The following ZNF195 variants were observed in gnomAD, a reference collection of about 807,000 sequenced individuals.
ZNF195 encodes the protein zinc finger protein 195, also known as hypoxia-regulated factor-1.
A neutral mutation model predicts 19.5 loss-of-function variants in ZNF195; 11 were observed. The observed-to-expected ratio is 0.57, with a 90% CI of 0.36 to 0.94. The LOEUF (loss-of-function observed/expected upper bound fraction) is 0.94. ZNF195 is among the 40% of genes least tolerant of loss of function. The probability of loss-of-function intolerance (pLI) is 0.01; values close to 1 mark genes in which losing one functional copy is unlikely to be tolerated. For synonymous variants in ZNF195, 214 were observed against 248.1 expected (o/e 0.86, Z 1.29); for missense variants, 582 against 709.0 (o/e 0.82, Z 2.03).
intron 1 of ZNF195, among the ~76,000 whole-genome samples, chr11:3,372,785 G>A (rs1047177454): frequency 6.6e-6 from 1 of 152,264 alleles, no homozygotes; most frequent in Non-Finnish European, 1.5e-5. Flanking sequence ...AGGCTGGAGT[G>A]CAGTGGCGCG....
At chr11:3,371,744 G>A (rs1054473239) in intron 1 of ZNF195, 41 bp from the exon 2 acceptor site, 2 of 1,552,924 alleles carry the variant, frequency 1.3e-6, no homozygotes, top group South Asian at 1.2e-5. Context: ...CTTGATTCGA[G>A]GTGAAATGAG....
chr11:3,368,915 A>T (rs1360014784), intron 3 of ZNF195: 5 of 447,214 alleles, frequency 1.1e-5, no homozygotes, highest in Admixed American at 2.4e-5. Context: ...CTTACACCAT[A>T]CTCAAAAATT....
Position 3,360,794 on chromosome 11 carries a change from A to G in ZNF195, c.374-6T>C. The G allele has an allele frequency of 1.9e-6, 3 of 1,550,882 alleles. No homozygotes were observed. The highest frequency in any genetic ancestry group is 8.7e-7 in the Non-Finnish European group (1 of 1,146,692). ...CACCCCAGGTGAGCACAGTGCTAGG[A>G]GCCAGATAAGAAGAAAAACAGTCTG... On this transcript the variant is annotated splice_polypyrimidine_tract_variant and splice_region_variant and intron_variant, in intron 4 of 5. Transcript: ENST00000399602.
At chr11:3,372,578 A>T (rs1262961937) in intron 1 of ZNF195, among the ~76,000 whole-genome samples, 1 of 151,952 alleles carries the variant, frequency 6.6e-6, no homozygotes, top group Non-Finnish European at 1.5e-5. Context: ...GTTCTGACAA[A>T]TATCTCCCAG....
At chr11:3,368,028 A>G (rs1361827965) in intron 3 of ZNF195, among the ~76,000 whole-genome samples, 5 of 152,048 alleles carry the variant, frequency 3.3e-5, no homozygotes, top group African/African-American at 1.2e-4. Flanking sequence ...CAGTGCCGAG[A>G]TCGCGCCATT....
intron 3 of ZNF195, among the ~76,000 whole-genome samples, chr11:3,365,649 C>T (rs1053539375): frequency 6.6e-6 from 1 of 152,104 alleles, no homozygotes; most frequent in Non-Finnish European, 1.5e-5. Flanking sequence ...AGTTTAAGAA[C>T]AATAACTAGT....
Position 3,360,318 on chromosome 11 carries a change from A to G in ZNF195, c.690T>C (p.Asn230=). Residue 230 remains asparagine (N), a synonymous_variant, in exon 6 of 6, where the codon AAT becomes AAC. Coordinates refer to ENST00000399602, the MANE Select transcript of ZNF195 (RefSeq NM_001130520.3). Reference sequence around the variant, plus strand: ...TATTACTTATATTACGTCTATGTAAATTTGAAAAGTTATCAAAGATTTTAA... The same window carrying G: ...TATTACTTATATTACGTCTATGTAAGTTTGAAAAGTTATCAAAGATTTTAA... ...KYVKIFDNFS[N]LHRRNISNTG... The G allele has an allele frequency of 6.2e-7, 1 of 1,603,938 alleles. No homozygotes were observed. The highest frequency in any genetic ancestry group is 8.5e-7 in the Non-Finnish European group (1 of 1,174,156).
intron 3 of ZNF195, chr11:3,362,439 T>C (rs1848678681): frequency 5.4e-6 from 2 of 371,870 alleles, no homozygotes; most frequent in African/African-American, 2.0e-5. Context: ...TTAATGGATA[T>C]ACAACATTAA....
chr11:3,369,608 C>T (rs1395043851), intron 3 of ZNF195: 5 of 353,420 alleles, frequency 1.4e-5, no homozygotes, highest in Non-Finnish European at 3.0e-5. Flanking sequence ...CCCTGAAGGA[C>T]ATCCTGCTAA....
At chr11:3,371,373 G>GA (rs1375169264) in intron 2 of ZNF195, among the ~76,000 whole-genome samples, 1 of 149,984 alleles carries the variant, frequency 6.7e-6, no homozygotes, top group Non-Finnish European at 1.5e-5. Context: ...CAGATCAGCT[G>GA]AAAAAAAAGG....
rs1848541840 is a variant in ZNF195 at position 3,359,839 on chromosome 11, C to T, written c.1169G>A (p.Gly390Asp). The T allele has an allele frequency of 1.9e-6, 3 of 1,613,886 alleles. No homozygotes were observed. Among genetic ancestry groups the T allele is most frequent in the Non-Finnish European group, 2.5e-6 (3 of 1,180,024 alleles). ...GGAAGGATTTGGGCTGTGGTTAAAA[C>T]CTTTGTACCATGTTTCACATTTGGA... ...KLSKCETWYK[G>D]FNHSPNPSKH... The change falls in exon 6 of 6, where the codon GGT (glycine) becomes GAT (aspartate). Residue 390 changes from glycine to aspartate, a missense_variant. Physicochemically the swap from Gly to Asp is moderately conservative, Grantham distance 94 (BLOSUM62 -1). Coordinates refer to ENST00000399602, the MANE Select transcript of ZNF195 (RefSeq NM_001130520.3). The surrounding 1 kb of genome is among the most constrained non-coding windows in gnomAD (Gnocchi z 5.5).
intron 1 of ZNF195, among the ~76,000 whole-genome samples, chr11:3,373,401 G>T (rs910930858): frequency 6.6e-6 from 1 of 152,076 alleles, no homozygotes; most frequent in African/African-American, 2.4e-5. Context: ...GACGGCTTTG[G>T]TATATAGAAA....
chr11:3,359,624 C>T lies in ZNF195; in HGVS notation c.1384G>A (p.Gly462Arg), dbSNP rs748619890. The change falls in exon 6 of 6, where the codon GGA becomes AGA. Residue 462 changes from glycine (G) to arginine (R), a missense_variant. Around this residue, in one of 3 missense-constraint regions of ZNF195, gnomAD observed 407 missense variants for 530.5 expected, o/e 0.77. Coordinates refer to ENST00000399602, the MANE Select transcript of ZNF195 (RefSeq NM_001130520.3). This position sits in a 1 kb window ranked among gnomAD's most constrained non-coding sequence, Gnocchi z 5.5. ...HLSEHRRIHT[G>R]EKPYQCEECG... ...TCTTCACATTGGTAGGGTTTCTCTC[C>T]GGTGTGAATCCTCCTGTGTTCACTG... 35 of 1,613,940 alleles carry T rather than the reference C, an allele frequency of 2.2e-5. No homozygotes were observed. The East Asian group carries it at 2.7e-4, about 12-fold the overall frequency.
chr11:3,364,278 G>T lies in ZNF195; in HGVS notation c.227-2389C>A, dbSNP rs376604985. ...GAGTTAGGAATTAGCATGGTCAACA[G>T]AGCAAGACCCAATCTCTACAAAATA... On this transcript the variant is annotated intron_variant, in intron 3 of 5. Transcript: ENST00000399602. Among the ~76,000 whole-genome samples the T allele has an allele frequency of 6.6e-5, 10 of 152,190 alleles. No homozygotes were observed. The East Asian group carries it at 7.7e-4, about 12-fold the overall frequency.
At chr11:3,360,884 C>G in intron 4 of ZNF195, 96 bp from the exon 5 acceptor site, 1 of 1,058,590 alleles carries the variant, frequency 9.4e-7, no homozygotes, top group African/African-American at 1.6e-5. Context: ...AGAGTACACC[C>G]TCAGCTCTTG....
chr11:3,363,588 C>T (rs553928427), intron 3 of ZNF195, among the ~76,000 whole-genome samples: 8 of 152,318 alleles, frequency 5.3e-5, no homozygotes, highest in African/African-American at 7.2e-5. Flanking sequence ...AAGATGTTCA[C>T]GCTGTCCAAT....
rs1848498741 is a variant in ZNF195, at chr11:3,358,933, A to G, written c.*185T>C. The G allele has an allele frequency of 3.4e-5, 26 of 758,630 alleles. No individual in the cohort carries two copies. In the East Asian group the frequency reaches 7.6e-4, roughly 22 times the overall value. 47.0% of individuals were successfully genotyped at this position (758,630 alleles called of 1,614,324 possible). On this transcript the variant is annotated 3_prime_UTR_variant, in exon 6 of 6. Coordinates refer to ENST00000399602, the MANE Select transcript of ZNF195 (RefSeq NM_001130520.3). The stretch of plus-strand genomic sequence containing the variant: ...AGCAACTGATGCAAGTCTTCCATCT[A>G]GTATAATTGTAACATTTTTTTCAGA...
Position 3,360,490 on chromosome 11 carries a change from C to T in ZNF195, c.518G>A (p.Arg173Lys), listed in dbSNP as rs749057617. Reference sequence around the variant, plus strand: ...ATCAAGGCCACAATTTCCATATCCTCTCAGTATTCTTTTTGGGAATGCATC... The same window carrying T: ...ATCAAGGCCACAATTTCCATATCCTTTCAGTATTCTTTTTGGGAATGCATC... ...IQDAFPKRIL[R>K]GYGNCGLDNL... is the part of the protein sequence containing the mutation. The change falls in exon 6 of 6, where the codon AGA (arginine) becomes AAA (lysine). Residue 173 changes from arginine to lysine, a missense_variant. This residue lies in a region of ZNF195 where 129 missense variants were observed against 112.1 expected (regional missense o/e 1.15). Coordinates refer to ENST00000399602, the MANE Select transcript of ZNF195 (RefSeq NM_001130520.3). 1.1e-5 allele frequency: 17 copies of T among 1,607,998 alleles called. No homozygotes were observed. The South Asian group carries it at 1.8e-4, about 17-fold the overall frequency.
chr11:3,359,435 C>T lies in ZNF195; in HGVS notation c.1573G>A (p.Asp525Asn), dbSNP rs752525366. 16 of 1,614,092 alleles carry T rather than the reference C, an allele frequency of 9.9e-6. No individual in the cohort carries two copies. Among genetic ancestry groups the T allele is most frequent in the Non-Finnish European group, 1.4e-5 (16 of 1,180,046 alleles). ...THTGEKPYKC[D>N]ECGKNFTQSS... is the part of the protein sequence containing the mutation. ...TGGGTAAAGTTTTTTCCACATTCGT[C>T]ACATTTGTAGGGCTTCTCTCCAGTA... Residue 525 changes from aspartate (D) to asparagine (N), a missense_variant, in exon 6 of 6, where the codon GAC (aspartate) becomes AAC (asparagine). Physicochemically the swap from Asp to Asn is conservative, Grantham distance 23. Coordinates refer to ENST00000399602, the MANE Select transcript of ZNF195 (RefSeq NM_001130520.3). This position sits in a 1 kb window ranked among gnomAD's most constrained non-coding sequence, Gnocchi z 5.5.
Sources: allele counts gnomAD v4.1 joint callset (sites outside exome capture counted in the v4.1 genomes callset), GRCh38; gene constraint gnomAD v4.1.1; regional missense constraint gnomAD v4.1.1; non-coding constraint Gnocchi (gnomAD v3.1); transcripts MANE v1.5; gene names NCBI Gene and HGNC (gene_info 2026-07-23, HGNC 2026-07-21).